GLYATL2: variants seen among roughly 807,000 people sequenced by gnomAD.
GLYATL2 encodes the protein glycine-N-acyltransferase like 2.
GLYATL2 carries 25 observed loss-of-function variants against 21.4 expected under a neutral mutation model. The observed-to-expected ratio is 1.17, with a 90% confidence interval of 0.85 to 1.63. The LOEUF is 1.63. Among genes scored for constraint, GLYATL2 ranks in the 40% most tolerant of loss-of-function variants. The pLI is 0.00. For synonymous variants in GLYATL2, 114 were observed against 118.2 expected (o/e 0.96, Z 0.23); for missense variants, 361 against 343.3 (o/e 1.05, Z -0.41).
chr11:58,895,528 T>C (rs1854619768), intron 1 of GLYATL2, among the ~76,000 whole-genome samples: 1 of 152,180 alleles, frequency 6.6e-6, no homozygotes, highest in Admixed American at 6.5e-5. Context: ...TGTTGATGGC[T>C]GCAATCTCAG....
At position 58,859,677 on chromosome 11, in the gene GLYATL2, C is replaced by T. The variant is rs193130251; in HGVS notation, n.61-21309G>A. Among the ~76,000 whole-genome samples, 464 of 152,214 alleles carry T rather than the reference C, an allele frequency of 3.0e-3. 1 individual carries two copies. Among genetic ancestry groups the T allele is most frequent in the South Asian group, 6.2e-3 (30 of 4,816 alleles). On this transcript the variant is annotated intron_variant and non_coding_transcript_variant, in intron 1 of 4. Transcript: ENST00000533636. ...GTTATCTGTGCTTTAGGAATTCCAT[C>T]CAAAAATCATTGCCCCAACTAATAT... is the stretch of plus-strand genomic sequence containing the variant.
At chr11:58,895,525 G>A (rs1307958205) in intron 1 of GLYATL2, among the ~76,000 whole-genome samples, 1 of 152,118 alleles carries the variant, frequency 6.6e-6, no homozygotes, top group Non-Finnish European at 1.5e-5. Flanking sequence ...GCTTGTTGAT[G>A]GCTGCAATCT....
upstream of GLYATL2, chr11:58,905,624 C>T: frequency 2.2e-6 from 1 of 456,270 alleles, no homozygotes; most frequent in Non-Finnish European, 4.4e-6. Flanking sequence ...CGCCGATGAG[C>T]AGGAAGAAGC....
chr11:58,908,866 T>A (rs575755620), upstream of GLYATL2, among the ~76,000 whole-genome samples: 73 of 152,312 alleles, frequency 4.8e-4, no homozygotes, highest in African/African-American at 1.5e-3. Flanking sequence ...TAGAATTGTG[T>A]TCCATCATTT....
At chr11:58,895,999 C>T (rs1020539423) in intron 1 of GLYATL2, among the ~76,000 whole-genome samples, 2 of 151,914 alleles carry the variant, frequency 1.3e-5, no homozygotes, top group East Asian at 1.9e-4. Flanking sequence ...ATTACAGGCG[C>T]CCACCACCAC....
At chr11:58,857,096 TG>T (rs1300354819) in intron 1 of GLYATL2, among the ~76,000 whole-genome samples, 1 of 152,208 alleles carries the variant, frequency 6.6e-6, no homozygotes, top group Non-Finnish European at 1.5e-5. Context: ...GAGGAATCTC[TG>T]TACTGTTTTG....
chr11:58,909,739 A>G, the GLYATL2 span, among the ~76,000 whole-genome samples: 1 of 152,198 alleles, frequency 6.6e-6, no homozygotes, highest in African/African-American at 2.4e-5. Flanking sequence ...GTGTGGTGCC[A>G]AGATCTCAGA....
At chr11:58,867,733 G>A (rs999817091) in intron 1 of GLYATL2, among the ~76,000 whole-genome samples, 1 of 148,870 alleles carries the variant, frequency 6.7e-6, no homozygotes, top group Non-Finnish European at 1.5e-5. Flanking sequence ...GAGTATGATG[G>A]GACTGATATC....
chr11:58,905,412 C>G (rs1243215745), upstream of GLYATL2: 1 of 449,164 alleles, frequency 2.2e-6, no homozygotes, highest in South Asian at 1.6e-5. Context: ...GTCCCGCCAC[C>G]GCCGCCGACC....
At chr11:58,885,877 C>T (rs921761212) in intron 1 of GLYATL2, among the ~76,000 whole-genome samples, 8 of 152,228 alleles carry the variant, frequency 5.3e-5, no homozygotes, top group Admixed American at 5.2e-4. Flanking sequence ...GATATTAGAA[C>T]AGTGGCTTAG....
chr11:58,896,637 G>A (rs1854640079), intron 1 of GLYATL2, among the ~76,000 whole-genome samples: 1 of 152,214 alleles, frequency 6.6e-6, no homozygotes, highest in Non-Finnish European at 1.5e-5. Context: ...CACAAAGATG[G>A]AGTAGGGACG....
intron 1 of GLYATL2, among the ~76,000 whole-genome samples, chr11:58,891,395 G>C (rs1854540827): frequency 6.6e-6 from 1 of 152,114 alleles, no homozygotes; most frequent in African/African-American, 2.4e-5. Flanking sequence ...CAAAAATTTA[G>C]TTACTTCGTT....
intron 2 of GLYATL2, 36 bp downstream of exon 2, chr11:58,839,499 C>G (rs749794954): frequency 7.3e-7 from 1 of 1,362,544 alleles, no homozygotes; most frequent in South Asian, 1.3e-5. Context: ...CTCAACTCAA[C>G]CCTCTCTCTC....
intron 1 of GLYATL2, among the ~76,000 whole-genome samples, chr11:58,870,049 A>G (rs1265561260): frequency 6.6e-6 from 1 of 152,144 alleles, no homozygotes; most frequent in Non-Finnish European, 1.5e-5. Flanking sequence ...TCAAGGCTGC[A>G]GTGAGTTATG....
At chr11:58,853,190 G>A (rs1453249814) in intron 1 of GLYATL2, among the ~76,000 whole-genome samples, 2 of 152,124 alleles carry the variant, frequency 1.3e-5, no homozygotes, top group East Asian at 3.9e-4. Context: ...AAGGATTTGG[G>A]GCAATACGAA....
chr11:58,858,893 G>T (rs1466997414), intron 1 of GLYATL2, among the ~76,000 whole-genome samples: 1 of 152,062 alleles, frequency 6.6e-6, no homozygotes, highest in East Asian at 1.9e-4. Flanking sequence ...GAGCATCACT[G>T]TCTCCCCTTA....
intron 1 of GLYATL2, among the ~76,000 whole-genome samples, chr11:58,871,637 T>C (rs1590736771): frequency 6.6e-6 from 1 of 152,182 alleles, no homozygotes; most frequent in Non-Finnish European, 1.5e-5. Flanking sequence ...GGCTGCATAG[T>C]ATTCCATGGT....
chr11:58,843,709 A>G (rs754329986), intron 1 of GLYATL2, among the ~76,000 whole-genome samples: 1 of 145,616 alleles, frequency 6.9e-6, no homozygotes, highest in Non-Finnish European at 1.5e-5. Flanking sequence ...AAGAATAGCA[A>G]TGTTAATAGA....
At chr11:58,848,076 C>T (rs2134584182), upstream of GLYATL2, among the ~76,000 whole-genome samples, 1 of 146,994 alleles carries the variant, frequency 6.8e-6, no homozygotes, top group South Asian at 2.3e-4. Flanking sequence ...AGAGAATTCT[C>T]CCATATCTTC....
Sources: allele counts gnomAD v4.1 joint callset (sites outside exome capture counted in the v4.1 genomes callset), GRCh38; gene constraint gnomAD v4.1.1; transcripts MANE v1.5; gene names NCBI Gene and HGNC (gene_info 2026-07-23, HGNC 2026-07-21).